EXT1: variants seen among roughly 807,000 people sequenced by gnomAD.
EXT1 encodes exostosin glycosyltransferase 1, also known as exostosin-1.
A neutral mutation model predicts 82.5 loss-of-function variants in EXT1; 20 were observed. The ratio of observed to expected loss-of-function variants is 0.24; its 90% confidence interval spans 0.17 to 0.35. The LOEUF (loss-of-function observed/expected upper bound fraction) is 0.35, where lower values mean the gene tolerates loss of function less well. Among genes scored for constraint, EXT1 ranks in the 10% least tolerant of loss-of-function variants. EXT1 has a pLI of 1.00. For synonymous variants in EXT1, 348 were observed against 350.8 expected, an observed-to-expected ratio of 0.99 and a Z score of 0.09; for missense variants, 757 against 936.5, an observed-to-expected ratio of 0.81 and a Z score of 2.50.
chr8:117,876,471 T>A (rs866677528), intron 1 of EXT1, among the ~76,000 whole-genome samples: 2 of 152,254 alleles, frequency 1.3e-5, no homozygotes, highest in East Asian at 1.9e-4. Flanking sequence ...ACTGCTTTTT[T>A]AAAATGTTCC....
intron 1 of EXT1, among the ~76,000 whole-genome samples, chr8:117,986,551 C>T (rs1436791013): frequency 3.3e-5 from 5 of 152,282 alleles, no homozygotes; most frequent in Admixed American, 3.3e-4. Flanking sequence ...AAGACCAAAG[C>T]CCATTAATCC....
intron 4 of EXT1, among the ~76,000 whole-genome samples, chr8:117,825,612 C>T (rs1811997427): frequency 6.6e-6 from 1 of 152,190 alleles, no homozygotes. Context: ...TATGTATCCT[C>T]TGTTTTCCAA....
Position 117,837,802 on chromosome 8 carries a change from A to G in EXT1, c.963-601T>C, listed in dbSNP as rs138160466. On this transcript the variant is annotated intron_variant, in intron 1 of 10. Transcript: ENST00000378204. ...TAACTCACAGGAGAAAGAGGAGGTG[A>G]GAGAGAAGGATGCTAGCCTAAGAAA... Among the ~76,000 whole-genome samples, 634 of 152,092 alleles carry G rather than the reference A, an allele frequency of 4.2e-3. 6 individuals carry two copies. The highest frequency in any genetic ancestry group is 0.014 in the African/African-American group (578 of 41,472).
chr8:117,846,309 T>C (rs1202551610), intron 1 of EXT1, among the ~76,000 whole-genome samples: 1 of 152,134 alleles, frequency 6.6e-6, no homozygotes, highest in Non-Finnish European at 1.5e-5. Context: ...GGTTTCATCA[T>C]GTTGGTCAGG....
At chr8:117,837,842 A>C (rs1208283270) in intron 1 of EXT1, among the ~76,000 whole-genome samples, 2 of 151,046 alleles carry the variant, frequency 1.3e-5, no homozygotes, top group African/African-American at 4.9e-5. Context: ...AAGAAAGAAT[A>C]ACGAGAAAAG....
chr8:117,997,868 C>G (rs1351696316), intron 1 of EXT1, among the ~76,000 whole-genome samples: 1 of 152,116 alleles, frequency 6.6e-6, no homozygotes, highest in South Asian at 2.1e-4. Context: ...TGCCTCATCC[C>G]CAGTGAATCA....
rs529743730 is a variant in EXT1 at position 118,024,460 on chromosome 8, T to C, written c.962+85625A>G. Among the ~76,000 whole-genome samples the C allele has an allele frequency of 1.2e-3, 186 of 152,116 alleles. No homozygotes were observed. The South Asian group carries it at 0.015, about 12-fold the overall frequency. On this transcript the variant is annotated intron_variant, in intron 1 of 10. Coordinates refer to ENST00000378204, the MANE Select transcript of EXT1 (RefSeq NM_000127.3). The stretch of plus-strand genomic sequence containing the variant: ...CATTTGTTTTTCATTCATTCAACTA[T>C]GATCTACGGAGATCCTATTATATTC...
chr8:118,107,348 T>C (rs1296592846), intron 1 of EXT1, among the ~76,000 whole-genome samples: 1 of 152,136 alleles, frequency 6.6e-6, no homozygotes. Context: ...TTTTACAAGC[T>C]ATTACCAAAT....
intron 1 of EXT1, among the ~76,000 whole-genome samples, chr8:118,047,947 A>G (rs942354641): frequency 3.9e-5 from 6 of 152,008 alleles, no homozygotes; most frequent in Non-Finnish European, 7.4e-5. Context: ...AATTGCTTGA[A>G]TCCGGGAGGC....
chr8:117,892,537 T>C (rs936745836), intron 1 of EXT1, among the ~76,000 whole-genome samples: 6 of 152,146 alleles, frequency 3.9e-5, no homozygotes, highest in African/African-American at 1.4e-4. Flanking sequence ...GTGAGGAATA[T>C]GGACATTACT....
At chr8:117,822,360 C>A in intron 5 of EXT1, 105 bp downstream of exon 5, 3 of 1,267,276 alleles carry the variant, frequency 2.4e-6, no homozygotes, top group Middle Eastern at 2.0e-4. Flanking sequence ...ATCTTCAATG[C>A]AGGGTGTTAG....
At chr8:117,916,499 T>C (rs1305762056) in intron 1 of EXT1, among the ~76,000 whole-genome samples, 2 of 152,182 alleles carry the variant, frequency 1.3e-5, no homozygotes, top group Non-Finnish European at 2.9e-5. Context: ...GCAACTGAGT[T>C]TGAGAATAGC....
At chr8:117,880,569 T>C (rs886310142) in intron 1 of EXT1, among the ~76,000 whole-genome samples, 18 of 151,572 alleles carry the variant, frequency 1.2e-4, no homozygotes, top group African/African-American at 4.1e-4. Context: ...TTAAAATATA[T>C]ATTGCTATGT....
intron 1 of EXT1, among the ~76,000 whole-genome samples, chr8:118,108,120 C>T (rs1284054288): frequency 1.3e-5 from 2 of 152,146 alleles, no homozygotes; most frequent in African/African-American, 2.4e-5. Flanking sequence ...AAGAAACCAA[C>T]CCCTCCCTTC....
At chr8:118,076,733 G>A (rs1264356716) in intron 1 of EXT1, among the ~76,000 whole-genome samples, 1 of 152,184 alleles carries the variant, frequency 6.6e-6, no homozygotes, top group Non-Finnish European at 1.5e-5. Context: ...AGGTCGAGAT[G>A]CCTTTGTTTC....
At chr8:117,844,759 C>A (rs1812326085) in intron 1 of EXT1, among the ~76,000 whole-genome samples, 1 of 152,142 alleles carries the variant, frequency 6.6e-6, no homozygotes, top group African/African-American at 2.4e-5. Flanking sequence ...ATGAGCTATG[C>A]AAATGTGCAG....
chr8:117,832,393 G>C (rs1291839530), intron 3 of EXT1, among the ~76,000 whole-genome samples: 2 of 152,038 alleles, frequency 1.3e-5, no homozygotes, highest in Non-Finnish European at 2.9e-5. Flanking sequence ...GCATGGTGGT[G>C]TGCACCTATA....
At chr8:118,085,555 A>G (rs1446904144) in intron 1 of EXT1, among the ~76,000 whole-genome samples, 3 of 151,484 alleles carry the variant, frequency 2.0e-5, no homozygotes, top group Non-Finnish European at 4.4e-5. Context: ...GCCTACTGAA[A>G]GACAATGCCA....
At chr8:118,075,162 G>A (rs900696441) in intron 1 of EXT1, among the ~76,000 whole-genome samples, 1 of 152,194 alleles carries the variant, frequency 6.6e-6, no homozygotes, top group South Asian at 2.1e-4. Flanking sequence ...TGATTTCCAG[G>A]AGCACCTGCA....
Sources: allele counts gnomAD v4.1 joint callset (sites outside exome capture counted in the v4.1 genomes callset), GRCh38; gene constraint gnomAD v4.1.1; transcripts MANE v1.5; gene names NCBI Gene and HGNC (gene_info 2026-07-23, HGNC 2026-07-21).